Variants in BLNK observed in about 807,000 individuals in gnomAD.
BLNK encodes the protein B-cell linker protein.
A neutral mutation model predicts 73.5 loss-of-function variants in BLNK; 29 were observed. The observed-to-expected ratio is 0.39, with a 90% CI of 0.29 to 0.54. The LOEUF (loss-of-function observed/expected upper bound fraction) is 0.54, where lower values mean the gene tolerates loss of function less well. Ranked by LOEUF, BLNK falls within the 20% of genes least tolerant of loss-of-function variation. BLNK has a pLI of 0.61. For synonymous variants in BLNK, 176 were observed against 200.8 expected (o/e 0.88, Z 1.04); for missense variants, 460 against 562.8 (o/e 0.82, Z 1.85).
intron 8 of BLNK, among the ~76,000 whole-genome samples, chr10:96,214,549 C>T (rs1194933570): frequency 7.2e-5 from 11 of 151,914 alleles, no homozygotes; most frequent in Non-Finnish European, 1.6e-4. Flanking sequence ...ACAGCAAATT[C>T]AGGAGAAAAA....
chr10:96,255,544 TC>T (rs1477904181), intron 1 of BLNK, among the ~76,000 whole-genome samples: 1 of 152,068 alleles, frequency 6.6e-6, no homozygotes, highest in East Asian at 1.9e-4. Flanking sequence ...GTATTGCTAA[TC>T]AGAGAAAATC....
chr10:96,207,976 C>A (rs1053635428), intron 9 of BLNK, 77 bp from the exon 10 acceptor site: 13 of 1,444,310 alleles, frequency 9.0e-6, no homozygotes, highest in Non-Finnish European at 1.2e-5. Flanking sequence ...ATTTTAGTCT[C>A]AAATTTAAGC....
chr10:96,244,200 C>T (rs375931290), intron 2 of BLNK, among the ~76,000 whole-genome samples: 2 of 152,014 alleles, frequency 1.3e-5, no homozygotes, highest in Admixed American at 1.3e-4. Flanking sequence ...ATCATTAGTC[C>T]CATGATGAGG....
chr10:96,207,420 G>A (rs587652553), intron 10 of BLNK, among the ~76,000 whole-genome samples: 4 of 152,310 alleles, frequency 2.6e-5, no homozygotes, highest in African/African-American at 7.2e-5. Flanking sequence ...CTAAATGATT[G>A]TAAATGTCAG....
chr10:96,267,034 G>T (rs1844034766), intron 1 of BLNK, among the ~76,000 whole-genome samples: 1 of 152,166 alleles, frequency 6.6e-6, no homozygotes, highest in Non-Finnish European at 1.5e-5. Context: ...CTAGTAACTG[G>T]CCATTAGAAT....
At position 96,189,947 on chromosome 10, in the gene BLNK, A is replaced by C. The variant is rs587628989; in HGVS notation, c.*2026T>G. ...TAAAAGCACTGGTGGTGTTATTTCA[A>C]AGACCCCAAGGGAAACTGTTGGCTG... On this transcript the variant is annotated 3_prime_UTR_variant, in exon 17 of 17. Coordinates refer to ENST00000224337, the MANE Select transcript of BLNK (RefSeq NM_013314.4). The C allele has an allele frequency of 4.1e-5, 38 of 932,022 alleles. No homozygotes were observed. In the South Asian group the frequency reaches 4.9e-4, roughly 12 times the overall value. 57.7% of individuals were successfully genotyped at this position (932,022 alleles called of 1,614,324 possible).
chr10:96,246,485 G>A (rs1843049307), intron 2 of BLNK, among the ~76,000 whole-genome samples: 1 of 152,228 alleles, frequency 6.6e-6, no homozygotes, highest in Non-Finnish European at 1.5e-5. Flanking sequence ...CCAGGAGGCA[G>A]AGGTTGCGGT....
intron 13 of BLNK, among the ~76,000 whole-genome samples, chr10:96,201,992 G>A (rs10882743): frequency 0.22 from 34,088 of 152,178 alleles, 4,956 homozygotes; most frequent in Middle Eastern, 0.36. Context: ...TGGAGAGGGA[G>A]GAGGCACTGG....
At chr10:96,217,720 C>A (rs1027125073) in intron 6 of BLNK, among the ~76,000 whole-genome samples, 13 of 152,122 alleles carry the variant, frequency 8.5e-5, no homozygotes, top group Non-Finnish European at 1.9e-4. Context: ...ATCAGATATA[C>A]AATTTACAAA....
At chr10:96,256,425 T>A (rs10882764) in intron 1 of BLNK, among the ~76,000 whole-genome samples, 5,556 of 152,256 alleles carry the variant, frequency 0.036, 319 homozygotes, top group African/African-American at 0.12. Flanking sequence ...TTAATGTTCA[T>A]CATTAGGTCT....
chr10:96,225,366 G>A (rs1455578103), intron 5 of BLNK, among the ~76,000 whole-genome samples: 3 of 152,086 alleles, frequency 2.0e-5, no homozygotes, highest in Admixed American at 1.3e-4. Context: ...TTAGGCCCTC[G>A]CCTCTATGCT....
chr10:96,226,490 C>G (rs919219285), intron 5 of BLNK, among the ~76,000 whole-genome samples: 1 of 152,172 alleles, frequency 6.6e-6, no homozygotes, highest in African/African-American at 2.4e-5. Flanking sequence ...TACTTGCTCT[C>G]TGAACCTTTG....
chr10:96,191,955 G>C lies in BLNK; in HGVS notation c.*18C>G. Reference sequence around the variant, plus strand: ...GGAAAGTGTCTGAAGCAATGGTATTGATCTTTTTTTTCCCCCTTTATGAAA... The same window carrying C: ...GGAAAGTGTCTGAAGCAATGGTATTCATCTTTTTTTTCCCCCTTTATGAAA... On this transcript the variant is annotated 3_prime_UTR_variant, in exon 17 of 17. Transcript: ENST00000224337. 1 of 1,613,324 alleles carries C rather than the reference G, an allele frequency of 6.2e-7. No individual in the cohort carries two copies. The highest frequency in any genetic ancestry group is 1.3e-5 in the African/African-American group (1 of 74,984).
intron 1 of BLNK, among the ~76,000 whole-genome samples, chr10:96,258,985 A>T (rs1363405649): frequency 6.6e-6 from 1 of 152,232 alleles, no homozygotes; most frequent in Non-Finnish European, 1.5e-5. Context: ...TTTGACTCAG[A>T]GAGGTTAAAT....
chr10:96,237,310 C>T (rs1842729921), intron 3 of BLNK, among the ~76,000 whole-genome samples: 1 of 151,646 alleles, frequency 6.6e-6, no homozygotes, highest in African/African-American at 2.4e-5. Context: ...TGGGCATTTA[C>T]CCAAGAATCC....
At chr10:96,199,599 G>A (rs2083573816) in intron 15 of BLNK, 1 of 448,640 alleles carries the variant, frequency 2.2e-6, no homozygotes, top group South Asian at 1.6e-5. Context: ...GGGGATAGCA[G>A]TTTCTCTTGA....
At chr10:96,219,580 T>C (rs967045202) in intron 6 of BLNK, among the ~76,000 whole-genome samples, 5 of 152,250 alleles carry the variant, frequency 3.3e-5, no homozygotes, top group African/African-American at 7.2e-5. Flanking sequence ...CCAGTCCTAC[T>C]TGACCACTTC....
chr10:96,254,759 C>A lies in BLNK; in HGVS notation c.48-7710G>T, dbSNP rs184641378. 7.9e-5 allele frequency among the ~76,000 whole-genome samples: 12 copies of A among 152,326 alleles called. No individual in the cohort carries two copies. In the East Asian group the frequency reaches 1.9e-3, roughly 24 times the overall value. ...CTTCTGACCTCAGGTAATCCGCCCA[C>A]CTCGGCCTCCCAAATTGCTGGGATT... On this transcript the variant is annotated intron_variant, in intron 1 of 16. Coordinates refer to ENST00000224337, the MANE Select transcript of BLNK (RefSeq NM_013314.4).
chr10:96,217,747 G>A (rs2084102009), intron 6 of BLNK, among the ~76,000 whole-genome samples: 1 of 152,104 alleles, frequency 6.6e-6, no homozygotes, highest in Non-Finnish European at 1.5e-5. Context: ...CTTCCATTCT[G>A]TAGGTTACTT....
Sources: allele counts gnomAD v4.1 joint callset (sites outside exome capture counted in the v4.1 genomes callset), GRCh38; gene constraint gnomAD v4.1.1; transcripts MANE v1.5; gene names NCBI Gene and HGNC (gene_info 2026-07-23, HGNC 2026-07-21).